The following SOAT1 variants were observed in gnomAD, a reference collection of about 807,000 sequenced individuals.
SOAT1 encodes acyl-coenzyme A:cholesterol acyltransferase 1.
Under a neutral mutation model 69.5 loss-of-function variants are expected in SOAT1, and 55 were observed. That is an observed-to-expected ratio of 0.79 (90% confidence interval 0.64 to 0.99). The LOEUF (loss-of-function observed/expected upper bound fraction) is 0.99. Ranked by LOEUF, SOAT1 falls within the 50% of genes least tolerant of loss-of-function variation. The pLI is 0.00. For missense variants in SOAT1, 580 were observed against 669.3 expected, an observed-to-expected ratio of 0.87 and a Z score of 1.47; for synonymous variants, 231 against 224.7, an observed-to-expected ratio of 1.03 and a Z score of -0.25.
intron 6 of SOAT1, 143 bp from the exon 7 acceptor site, chr1:179,340,885 T>A: frequency 1.6e-6 from 1 of 644,018 alleles, no homozygotes; most frequent in Non-Finnish European, 2.7e-6. Context: ...CTAGCAGAAC[T>A]ATTACATCCA....
chr1:179,352,943 C>T (rs7523799), intron 15 of SOAT1, among the ~76,000 whole-genome samples: 15,254 of 151,142 alleles, frequency 0.1, 1,155 homozygotes, highest in East Asian at 0.41. Flanking sequence ...GCCACATCTT[C>T]CATGATGATT....
chr1:179,294,053 GTGC>G (rs2124923284), intron 1 of SOAT1, 117 bp downstream of exon 1: 1 of 152,364 alleles, frequency 6.6e-6, no homozygotes, highest in East Asian at 1.9e-4. Flanking sequence ...GTCCTGGGCT[GTGC>G]TGCGGAGAAG....
intron 4 of SOAT1, among the ~76,000 whole-genome samples, chr1:179,337,496 C>A (rs774973905): frequency 2.7e-5 from 4 of 149,560 alleles, no homozygotes; most frequent in African/African-American, 5.1e-5. Flanking sequence ...TTGCCAAAGT[C>A]CATAGGGGCT....
rs762911049 is a variant in SOAT1, at chr1:179,344,352, G to GTTTT, written c.988-595_988-594insTTTT. On this transcript the variant is annotated intron_variant, in intron 10 of 15. Transcript: ENST00000367619. ...TATGAAGTAAGTTCTTTCATTAAGG[G>GTTTT]GTTTTTTTTTTTTTTTTTTTTTTTT... Among the ~76,000 whole-genome samples, 548 of 120,530 alleles carry GTTTT rather than the reference G, an allele frequency of 4.5e-3. 215 individuals are homozygous for GTTTT. Among genetic ancestry groups the GTTTT allele is most frequent in the Middle Eastern group, 8.8e-3 (2 of 226 alleles). 79.1% of individuals were successfully genotyped at this position (120,530 alleles called of 152,430 possible). A position where few individuals can be genotyped will look rare whatever the true frequency, so the allele number is the denominator to read the frequency against.
rs138125509 is a variant in SOAT1 at position 179,353,863 on chromosome 1, G to C, written c.*222G>C. On this transcript the variant is annotated 3_prime_UTR_variant, in exon 16 of 16. Transcript: ENST00000367619. Reference sequence around the variant, plus strand: ...CAGAACTTTTTTTGTGGGGCTGGGTGGGGGGAGAAGACCGACTAACAGCTG... The same window carrying C: ...CAGAACTTTTTTTGTGGGGCTGGGTCGGGGGAGAAGACCGACTAACAGCTG... 58 of 513,982 alleles carry C rather than the reference G, an allele frequency of 1.1e-4. 1 individual carries two copies. The highest frequency in any genetic ancestry group is 2.0e-4 in the African/African-American group (10 of 50,434). The allele number at this position is 513,982 out of a possible 1,614,324, so 31.8% of individuals were successfully genotyped here.
intron 1 of SOAT1, among the ~76,000 whole-genome samples, chr1:179,297,024 GCTTTATGTTAC>G (rs1256488704): frequency 1.3e-5 from 2 of 152,184 alleles, no homozygotes; most frequent in African/African-American, 4.8e-5. Context: ...GGGGGGAATA[GCTTTATGTTAC>G]CTGTGACTTT....
chr1:179,342,590 T>C (rs372027409), intron 8 of SOAT1, among the ~76,000 whole-genome samples: 79 of 152,332 alleles, frequency 5.2e-4, no homozygotes, highest in African/African-American at 1.8e-3. Context: ...GGAATGTTAA[T>C]AGCCTCATTA....
At chr1:179,318,134 G>T (rs1304411742) in intron 2 of SOAT1, among the ~76,000 whole-genome samples, 1 of 151,942 alleles carries the variant, frequency 6.6e-6, no homozygotes, top group Non-Finnish European at 1.5e-5. Flanking sequence ...GTTAGAGGCT[G>T]CAGTGAGCTG....
At chr1:179,325,886 T>G (rs1665771544) in intron 3 of SOAT1, among the ~76,000 whole-genome samples, 1 of 152,200 alleles carries the variant, frequency 6.6e-6, no homozygotes, top group Non-Finnish European at 1.5e-5. Flanking sequence ...TTATGAAATC[T>G]TTTAGCTTGG....
intron 3 of SOAT1, among the ~76,000 whole-genome samples, chr1:179,328,175 A>G (rs920841476): frequency 4.3e-4 from 66 of 152,162 alleles, no homozygotes; most frequent in Non-Finnish European, 1.3e-4. Context: ...CTCAAGTAAT[A>G]ATCCTCCTGC....
At chr1:179,314,796 A>T (rs1665337761) in intron 2 of SOAT1, among the ~76,000 whole-genome samples, 1 of 152,126 alleles carries the variant, frequency 6.6e-6, no homozygotes, top group Non-Finnish European at 1.5e-5. Flanking sequence ...AAACTGGTTA[A>T]AATAAGATTT....
In SOAT1 at chr1:179,355,301, A is replaced by G. The variant is rs1049938312; in HGVS notation, c.*1660A>G. ...GACATTTTTCTTAAAATTAAAACGA[A>G]TTTTTATTTTGAATTTATAACTGCA... On this transcript the variant is annotated 3_prime_UTR_variant, in exon 16 of 16. Coordinates refer to ENST00000367619, the MANE Select transcript of SOAT1 (RefSeq NM_003101.6). 1.3e-5 allele frequency: 2 copies of G among 152,146 alleles called. No individual in the cohort carries two copies. The highest frequency in any genetic ancestry group is 4.8e-5 in the African/African-American group (2 of 41,412). 9.4% of individuals were successfully genotyped at this position (152,146 alleles called of 1,614,324 possible). A position where few individuals can be genotyped will look rare whatever the true frequency, so the allele number is the denominator to read the frequency against.
intron 7 of SOAT1, 22 bp downstream of exon 7, chr1:179,341,332 A>C: frequency 6.2e-7 from 1 of 1,605,164 alleles, no homozygotes; most frequent in Non-Finnish European, 8.5e-7. Flanking sequence ...AGTGTTACCC[A>C]AGGCGATGCT....
chr1:179,351,720 A>ACTTTTTTTTTT (rs1558061106), intron 15 of SOAT1, among the ~76,000 whole-genome samples: 1 of 43,486 alleles, frequency 2.3e-5, no homozygotes, highest in Non-Finnish European at 4.3e-5. Flanking sequence ...AGCCCCTTCT[A>ACTTTTTTTTTT]ATTTTTTTTT....
At chr1:179,307,646 T>C (rs1665053283) in intron 2 of SOAT1, among the ~76,000 whole-genome samples, 1 of 152,214 alleles carries the variant, frequency 6.6e-6, no homozygotes, top group Admixed American at 6.5e-5. Flanking sequence ...GTATGTATTG[T>C]CATTGACTGA....
intron 2 of SOAT1, 103 bp downstream of exon 2, chr1:179,302,905 G>A (rs1664883177): frequency 1.7e-6 from 1 of 590,040 alleles, no homozygotes; most frequent in Admixed American, 3.0e-5. Flanking sequence ...ATTGTAAATG[G>A]GTATTGATAG....
At chr1:179,304,684 C>T (rs1275430678) in intron 2 of SOAT1, among the ~76,000 whole-genome samples, 1 of 151,874 alleles carries the variant, frequency 6.6e-6, no homozygotes, top group African/African-American at 2.4e-5. Context: ...GAGATAGTCT[C>T]GCTTTGTCAC....
chr1:179,307,059 C>T (rs1448391569), intron 2 of SOAT1, among the ~76,000 whole-genome samples: 2 of 152,030 alleles, frequency 1.3e-5, no homozygotes, highest in African/African-American at 2.4e-5. Context: ...TTAGAAAGAC[C>T]ACCTTTAATA....
chr1:179,330,012 C>T (rs2492778), intron 3 of SOAT1, among the ~76,000 whole-genome samples: 42,833 of 151,974 alleles, frequency 0.28, 6,359 homozygotes, highest in African/African-American at 0.37. Flanking sequence ...TGTAATTGCC[C>T]GTTGGGTTCT....
Sources: gnomAD v4.1 joint callset for allele counts (sites outside exome capture counted in the v4.1 genomes callset) on GRCh38, gnomAD v4.1.1 for gene constraint, MANE v1.5 for transcripts, NCBI Gene and HGNC (gene_info 2026-07-23, HGNC 2026-07-21) for gene names.